COG5: variants seen among roughly 807,000 people sequenced by gnomAD.
COG5 encodes conserved oligomeric Golgi complex subunit 5.
Under a neutral mutation model 110.4 loss-of-function variants are expected in COG5, and 86 were observed. The observed-to-expected ratio is 0.78, with a 90% confidence interval of 0.65 to 0.93. The LOEUF (loss-of-function observed/expected upper bound fraction) is 0.93. COG5 is among the 40% of genes least tolerant of loss of function. The probability of loss-of-function intolerance (pLI) is 0.00; values close to 1 mark genes in which losing one functional copy is unlikely to be tolerated. For missense variants in COG5, 1,077 were observed against 987.0 expected, an observed-to-expected ratio of 1.09 and a Z score of -1.22; for synonymous variants, 360 against 334.6, an observed-to-expected ratio of 1.08 and a Z score of -0.83.
At chr7:107,508,769 T>C (rs566300953) in intron 6 of COG5, among the ~76,000 whole-genome samples, 10 of 152,206 alleles carry the variant, frequency 6.6e-5, no homozygotes, top group Non-Finnish European at 1.2e-4. Context: ...CCACCGCTGC[T>C]GATACCCAGG....
chr7:107,247,059 T>C (rs1802111779), intron 17 of COG5, among the ~76,000 whole-genome samples: 1 of 152,194 alleles, frequency 6.6e-6, no homozygotes, highest in South Asian at 2.1e-4. Context: ...CAAGATCATG[T>C]CTTTTGTGGG....
chr7:107,206,848 T>C (rs1447422282), intron 21 of COG5, among the ~76,000 whole-genome samples: 1 of 152,198 alleles, frequency 6.6e-6, no homozygotes, highest in Non-Finnish European at 1.5e-5. Flanking sequence ...GAGCAAGATT[T>C]TCGAGTACTT....
chr7:107,310,038 T>C (rs571353622), intron 11 of COG5, among the ~76,000 whole-genome samples: 51 of 152,328 alleles, frequency 3.3e-4, no homozygotes, highest in East Asian at 5.8e-4. Flanking sequence ...TATTTAGCCA[T>C]TGATTTTTAA....
intron 6 of COG5, among the ~76,000 whole-genome samples, chr7:107,442,531 T>C (rs1034219889): frequency 5.3e-5 from 8 of 150,464 alleles, no homozygotes; most frequent in African/African-American, 2.0e-4. Flanking sequence ...AAGGTAAACA[T>C]CAGCCCAACA....
chr7:107,563,645 T>C (rs1488810462), intron 1 of COG5, 158 bp downstream of exon 1: 12 of 796,748 alleles, frequency 1.5e-5, no homozygotes, highest in Non-Finnish European at 2.4e-5. Context: ...ATAGGTTGGC[T>C]AGAACAGTAC....
intron 6 of COG5, among the ~76,000 whole-genome samples, chr7:107,506,403 G>A (rs1799004578): frequency 6.6e-6 from 1 of 152,178 alleles, no homozygotes; most frequent in Admixed American, 6.5e-5. Context: ...AAAGCCAGGT[G>A]GGGGCTGGGG....
intron 7 of COG5, among the ~76,000 whole-genome samples, chr7:107,404,389 A>G (rs1791658520): frequency 6.6e-6 from 1 of 152,230 alleles, no homozygotes; most frequent in African/African-American, 2.4e-5. Context: ...AGTACTTCAA[A>G]GTTAAAATAC....
intron 12 of COG5, among the ~76,000 whole-genome samples, chr7:107,297,768 A>G (rs1439328025): frequency 6.6e-6 from 1 of 152,182 alleles, no homozygotes; most frequent in Non-Finnish European, 1.5e-5. Flanking sequence ...CTGAACACCC[A>G]AGTTCCTTTT....
At chr7:107,557,213 A>T (rs539941651) in intron 2 of COG5, among the ~76,000 whole-genome samples, 1 of 152,320 alleles carries the variant, frequency 6.6e-6, no homozygotes, top group African/African-American at 2.4e-5. Flanking sequence ...GATCAAGTGG[A>T]TATGTCTCAG....
chr7:107,211,127 G>C lies in COG5; in HGVS notation c.2267C>G (p.Ala756Gly). ...GAAAGGAGATTTCAGTTCAGCGGGT[G>C]CTCTCGTGAACAAAAACTGAATAAT... is the stretch of plus-strand genomic sequence containing the variant. ...SIIIQFLFTR[A>G]PAELKSPFQR... The change falls in exon 20 of 22, where the codon GCA becomes GGA. Residue 756 changes from alanine to glycine, a missense_variant. Transcript: ENST00000297135. 6.2e-7 allele frequency: 1 copy of C among 1,614,048 alleles called. No homozygotes were observed. The highest frequency in any genetic ancestry group is 8.5e-7 in the Non-Finnish European group (1 of 1,179,976).
chr7:107,548,018 TCTTA>T (rs756963004), intron 5 of COG5, 89 bp downstream of exon 5: 25 of 1,039,558 alleles, frequency 2.4e-5, no homozygotes, highest in Non-Finnish European at 3.2e-5. Flanking sequence ...GTTCCCATTC[TCTTA>T]CTTCTTCCAA....
chr7:107,527,327 G>C lies in COG5; in HGVS notation c.448C>G (p.Arg150Gly). 6.2e-7 allele frequency: 1 copy of C among 1,613,072 alleles called. No individual in the cohort carries two copies. The highest frequency in any genetic ancestry group is 8.5e-7 in the Non-Finnish European group (1 of 1,179,682). ...VACDLLRRII[R>G]ILNLSKRLQG... ...AGTCTCTTACTGAGATTCAAGATAC[G>C]AATAATCCTCCGAAGCAAATCACAG... Residue 150 changes from arginine (R) to glycine (G), a missense_variant, in exon 6 of 22, where the codon CGT (arginine) becomes GGT (glycine). Coordinates refer to ENST00000297135, the MANE Select transcript of COG5 (RefSeq NM_006348.5).
At chr7:107,446,706 G>C (rs1459909323) in intron 6 of COG5, among the ~76,000 whole-genome samples, 1 of 152,148 alleles carries the variant, frequency 6.6e-6, no homozygotes, top group Non-Finnish European at 1.5e-5. Flanking sequence ...TCATGGTGAG[G>C]AATGGAGGCC....
intron 5 of COG5, among the ~76,000 whole-genome samples, chr7:107,538,201 A>C (rs1801728259): frequency 6.6e-6 from 1 of 152,222 alleles, no homozygotes; most frequent in East Asian, 1.9e-4. Context: ...AGCACCAGCC[A>C]GCCAGAGAAT....
chr7:107,301,784 G>A (rs1450971075), intron 11 of COG5, among the ~76,000 whole-genome samples: 2 of 152,020 alleles, frequency 1.3e-5, no homozygotes, highest in African/African-American at 4.8e-5. Context: ...CACGAAAATT[G>A]CTTGAATCCA....
intron 6 of COG5, among the ~76,000 whole-genome samples, chr7:107,512,111 T>C (rs1799562108): frequency 6.6e-6 from 1 of 152,208 alleles, no homozygotes; most frequent in Non-Finnish European, 1.5e-5. Context: ...AAATTGTCCC[T>C]GTTTGCAGAT....
intron 7 of COG5, among the ~76,000 whole-genome samples, chr7:107,384,890 T>C (rs79619227): frequency 0.16 from 23,760 of 152,274 alleles, 2,313 homozygotes; most frequent in Non-Finnish European, 0.22. Flanking sequence ...TATTCTGTTA[T>C]GGTAGTCAGA....
At chr7:107,390,342 T>C (rs58391518) in intron 7 of COG5, among the ~76,000 whole-genome samples, 44,376 of 152,002 alleles carry the variant, frequency 0.29, 6,505 homozygotes, top group East Asian at 0.33. Context: ...TGAACCTCTC[T>C]TACGGCAAGG....
At chr7:107,400,910 G>T (rs1009841152) in intron 7 of COG5, among the ~76,000 whole-genome samples, 5 of 152,044 alleles carry the variant, frequency 3.3e-5, no homozygotes, top group Admixed American at 3.3e-4. Context: ...TATGGTAATT[G>T]ACACATCGTA....
Sources: allele counts gnomAD v4.1 joint callset (sites outside exome capture counted in the v4.1 genomes callset), GRCh38; gene constraint gnomAD v4.1.1; transcripts MANE v1.5; gene names NCBI Gene and HGNC (gene_info 2026-07-23, HGNC 2026-07-21).